CLCA1: variants seen among roughly 807,000 people sequenced by gnomAD.
The protein encoded by CLCA1 is calcium-activated chloride channel regulator 1.
CLCA1 carries 59 observed loss-of-function variants against 85.6 expected under a neutral mutation model. That is an observed-to-expected ratio of 0.69 (90% CI 0.56 to 0.86). The LOEUF (loss-of-function observed/expected upper bound fraction) is 0.86, where lower values mean the gene tolerates loss of function less well. Ranked by LOEUF, CLCA1 falls within the 40% of genes least tolerant of loss-of-function variation. The pLI is 0.00. For synonymous variants in CLCA1, 396 were observed against 398.3 expected, an observed-to-expected ratio of 0.99 and a Z score of 0.07; for missense variants, 1,022 against 1,101.4, an observed-to-expected ratio of 0.93 and a Z score of 1.02.
chr1:86,481,785 C>A (rs951073477), intron 4 of CLCA1, among the ~76,000 whole-genome samples: 3 of 151,950 alleles, frequency 2.0e-5, no homozygotes, highest in African/African-American at 4.8e-5. Context: ...ATGAACATAC[C>A]AGAACTCTAC....
chr1:86,480,882 A>T (rs1647799112), intron 4 of CLCA1, among the ~76,000 whole-genome samples: 1 of 152,182 alleles, frequency 6.6e-6, no homozygotes, highest in Admixed American at 6.5e-5. Flanking sequence ...TTAAAAATGC[A>T]TTGTAAGGAA....
chr1:86,481,649 AC>A (rs1255515760), intron 4 of CLCA1, among the ~76,000 whole-genome samples: 1 of 152,068 alleles, frequency 6.6e-6, no homozygotes, highest in Non-Finnish European at 1.5e-5. Context: ...AATTTTCTAT[AC>A]CGGTCATGCA....
At position 86,500,028 on chromosome 1, in the gene CLCA1, C is replaced by T; in HGVS notation, c.2728C>T (p.Gln910Ter). 6.2e-7 allele frequency: 1 copy of T among 1,609,324 alleles called. No homozygotes were observed. The highest frequency in any genetic ancestry group is 8.5e-7 in the Non-Finnish European group (1 of 1,175,874). Residue 910 changes from glutamine to a stop codon, truncating the protein, a stop_gained, in exon 14 of 14, where the codon CAG (glutamine) becomes TAG (stop). Transcript: ENST00000394711. LOFTEE classifies it high-confidence loss of function. ...KIMWKWIGEL[Q>*]LSIA ...TATGTGGAAGTGGATAGGAGAACTG[C>T]AGCTGTCAATAGCCTAGGGCTGAAT...
chr1:86,484,566 T>C (rs1647909295), intron 5 of CLCA1, among the ~76,000 whole-genome samples: 2 of 152,068 alleles, frequency 1.3e-5, no homozygotes, highest in Admixed American at 1.3e-4. Context: ...GAGGAAAGAC[T>C]CTCAGGCAGC....
Position 86,469,088 on chromosome 1 carries a change from C to T in CLCA1, c.117C>T (p.Ile39=), listed in dbSNP as rs550010719. The part of the protein sequence containing the change: ...NNGYEGIVVA[I]DPNVPEDETL... ...GCTATGAAGGCATTGTCGTTGCAAT[C>T]GACCCCAATGTGCCAGAAGATGAAA... The change falls in exon 1 of 14, where the codon ATC becomes ATT. Residue 39 remains isoleucine (I), a synonymous_variant. Coordinates refer to ENST00000394711, the MANE Select transcript of CLCA1 (RefSeq NM_001285.4). 17 of 1,611,926 alleles carry T rather than the reference C, an allele frequency of 1.1e-5. No individual in the cohort carries two copies. Among genetic ancestry groups the T allele is most frequent in the African/African-American group, 4.0e-5 (3 of 74,984 alleles).
chr1:86,485,684 T>C (rs1410752669), intron 6 of CLCA1, 123 bp downstream of exon 6: 9 of 831,204 alleles, frequency 1.1e-5, no homozygotes, highest in Non-Finnish European at 1.6e-5. Context: ...ACTGTAACAT[T>C]GTCTTCAGAA....
intron 2 of CLCA1, 84 bp from the exon 3 acceptor site, chr1:86,473,645 T>C (rs1647561259): frequency 6.7e-7 from 1 of 1,499,940 alleles, no homozygotes; most frequent in South Asian, 1.3e-5. Context: ...TCAAATGTGA[T>C]TGTTTGAAAC....
At chr1:86,473,907 A>T (rs1215251185) in intron 3 of CLCA1, 31 bp downstream of exon 3, 1 of 1,537,264 alleles carries the variant, frequency 6.5e-7, no homozygotes, top group Admixed American at 1.9e-5. Context: ...CTTCTCATAC[A>T]ATTTAACTAT....
Position 86,468,961 on chromosome 1 carries a change from G to A in CLCA1, c.-11G>A, listed in dbSNP as rs747130094. ...TTTCCAAAGAGAGAAATCACAGGGA[G>A]ATGTACAGCAATGGGGCCATTTAAG... On this transcript the variant is annotated 5_prime_UTR_variant, in exon 1 of 14. Coordinates refer to ENST00000394711, the MANE Select transcript of CLCA1 (RefSeq NM_001285.4). 5 of 1,591,816 alleles carry A rather than the reference G, an allele frequency of 3.1e-6. No individual in the cohort carries two copies. The highest frequency in any genetic ancestry group is 4.3e-6 in the Non-Finnish European group (5 of 1,167,414).
rs1648418554 is a variant in CLCA1, at chr1:86,500,142, ATATACTAAATGTATATAGTACATT to A, written c.*112_*135del. ...TATTTTAGACTTCCTGTAGGGGGCG[ATATACTAAATGTATATAGTACATT>A]TATACTAAATGTATTCCTGTAGGGG... On this transcript the variant is annotated 3_prime_UTR_variant, in exon 14 of 14. Transcript: ENST00000394711. 3 of 716,178 alleles carry A rather than the reference ATATACTAAATGTATATAGTACATT, an allele frequency of 4.2e-6. No individual in the cohort carries two copies. Among genetic ancestry groups the A allele is most frequent in the South Asian group, 3.9e-5 (2 of 51,612 alleles). The allele number at this position is 716,178 out of a possible 1,614,324, so 44.4% of individuals were successfully genotyped here. A position where few individuals can be genotyped will look rare whatever the true frequency, so the allele number is the denominator to read the frequency against.
chr1:86,477,730 G>T (rs5744332), intron 4 of CLCA1, among the ~76,000 whole-genome samples: 2,536 of 152,282 alleles, frequency 0.017, 91 homozygotes, highest in African/African-American at 0.059. Context: ...ATCCAAAAAT[G>T]TTGTAATAGT....
intron 4 of CLCA1, 149 bp from the exon 5 acceptor site, chr1:86,482,056 A>C: frequency 1.6e-6 from 1 of 614,160 alleles, no homozygotes; most frequent in Non-Finnish European, 2.9e-6. Flanking sequence ...TCTGATGACA[A>C]TTTAACACTT....
In CLCA1 at chr1:86,469,067, T is replaced by C. The variant is rs1304140581; in HGVS notation, c.96T>C (p.Tyr32=). 1 of 1,612,378 alleles carries C rather than the reference T, an allele frequency of 6.2e-7. No homozygotes were observed. The highest frequency in any genetic ancestry group is 1.7e-5 in the Admixed American group (1 of 59,904). ...TCATTCAGCTGAACAACAATGGCTA[T>C]GAAGGCATTGTCGTTGCAATCGACC... The part of the protein sequence containing the change: ...NSLIQLNNNG[Y]EGIVVAIDPN... Residue 32 remains tyrosine, a synonymous_variant, in exon 1 of 14, where the codon TAT becomes TAC. Transcript: ENST00000394711.
rs5744403 is a variant in CLCA1 at position 86,494,065 on chromosome 1, A to T, written c.1681-122A>T. 0.032 allele frequency: 35,163 copies of T among 1,084,980 alleles called. 712 individuals carry two copies. The highest frequency in any genetic ancestry group is 0.073 in the Middle Eastern group (336 of 4,576). 67.2% of individuals were successfully genotyped at this position (1,084,980 alleles called of 1,614,324 possible). On this transcript the variant is annotated intron_variant, in intron 10 of 13. Transcript: ENST00000394711. ...GGCTGACAGAGTATCAAACATGCAC[A>T]CCTCTTCTTAGATATGCTTCCAACA...
At chr1:86,493,865 C>T (rs1172796768) in intron 10 of CLCA1, among the ~76,000 whole-genome samples, 2 of 152,074 alleles carry the variant, frequency 1.3e-5, no homozygotes, top group African/African-American at 2.4e-5. Context: ...AAATGATCCT[C>T]GACATTTTGG....
At chr1:86,497,357 T>A (rs1328075501) in intron 12 of CLCA1, among the ~76,000 whole-genome samples, 1 of 152,192 alleles carries the variant, frequency 6.6e-6, no homozygotes, top group African/African-American at 2.4e-5. Flanking sequence ...GGTATGAAGA[T>A]TAAACGGTCT....
At chr1:86,476,589 T>G in intron 4 of CLCA1, 36 bp downstream of exon 4, 1 of 1,040,244 alleles carries the variant, frequency 9.6e-7, no homozygotes, top group Non-Finnish European at 1.5e-6. Context: ...TCCAAACTAT[T>G]TTAAATTGCA....
chr1:86,477,147 G>T (rs1478042144), intron 4 of CLCA1, among the ~76,000 whole-genome samples: 1 of 152,078 alleles, frequency 6.6e-6, no homozygotes, highest in African/African-American at 2.4e-5. Context: ...GTACAGGCAG[G>T]GTGTCCTTAT....
chr1:86,495,272 A>G (rs1275444014), intron 11 of CLCA1, among the ~76,000 whole-genome samples: 2 of 152,208 alleles, frequency 1.3e-5, no homozygotes, highest in Non-Finnish European at 2.9e-5. Context: ...AAACGATACC[A>G]TCTTAGATTT....
Sources: gnomAD v4.1 joint callset for allele counts (sites outside exome capture counted in the v4.1 genomes callset) on GRCh38, gnomAD v4.1.1 for gene constraint, MANE v1.5 for transcripts, NCBI Gene and HGNC (gene_info 2026-07-23, HGNC 2026-07-21) for gene names.